The following ZSCAN25 variants were observed in gnomAD, a reference collection of about 807,000 sequenced individuals.
ZSCAN25 encodes zinc finger and SCAN domain containing 25.
ZSCAN25 carries 27 observed loss-of-function variants against 38.7 expected under a neutral mutation model. The observed-to-expected ratio is 0.70, with a 90% confidence interval of 0.51 to 0.96. The LOEUF is 0.96. Ranked by LOEUF, ZSCAN25 falls within the 40% of genes least tolerant of loss-of-function variation. ZSCAN25 has a pLI of 0.00. For missense variants in ZSCAN25, 637 were observed against 705.9 expected, an observed-to-expected ratio of 0.90 and a Z score of 1.11; for synonymous variants, 273 against 277.7, an observed-to-expected ratio of 0.98 and a Z score of 0.17.
At chr7:99,660,245 T>TTTTTTTAA in the ZSCAN25 span, 1 of 738,740 alleles carries the variant, frequency 1.4e-6, no homozygotes. Flanking sequence ...TTTTTTTTTT[T>TTTTTTTAA]ACTTAGCATT....
intron 5 of ZSCAN25, 127 bp from the exon 6 acceptor site, chr7:99,622,422 G>T: frequency 1.2e-6 from 1 of 868,314 alleles, no homozygotes; most frequent in Non-Finnish European, 1.9e-6. Flanking sequence ...AGAGTGAAAA[G>T]GGATTCTGTC....
At chr7:99,720,334 A>G in the ZSCAN25 span, 3 of 1,613,306 alleles carry the variant, frequency 1.9e-6, no homozygotes, top group African/African-American at 2.7e-5. Context: ...TGAAGACAGA[A>G]TAACATTCTT....
the ZSCAN25 span, among the ~76,000 whole-genome samples, chr7:99,730,252 T>G: frequency 1.3e-5 from 2 of 152,234 alleles, no homozygotes; most frequent in Non-Finnish European, 2.9e-5. Context: ...TTTTGTCAAA[T>G]CATCCCCTTT....
At chr7:99,717,515 T>G in the ZSCAN25 span, 23 of 1,613,500 alleles carry the variant, frequency 1.4e-5, no homozygotes, top group South Asian at 2.3e-4. Context: ...AAACCCAAGT[T>G]ATTTTCATAC....
chr7:99,672,590 G>T, the ZSCAN25 span: 1 of 1,613,268 alleles, frequency 6.2e-7, no homozygotes. Flanking sequence ...CCTTCGATTT[G>T]TGAAGACAGA....
Position 99,629,347 on chromosome 7 carries a change from C to G in ZSCAN25, c.962C>G (p.Ala321Gly). 1.9e-6 allele frequency: 3 copies of G among 1,614,152 alleles called. No homozygotes were observed. The highest frequency in any genetic ancestry group is 1.7e-6 in the Non-Finnish European group (2 of 1,180,030). Residue 321 changes from alanine to glycine, a missense_variant, in exon 8 of 8, where the codon GCG (alanine) becomes GGG (glycine). Coordinates refer to ENST00000394152, the MANE Select transcript of ZSCAN25 (RefSeq NM_145115.3). This position sits in a 1 kb window ranked among gnomAD's most constrained non-coding sequence, Gnocchi z 5.6. ...EQEPGGPAGSAPGLPPPQHGA... is the reference protein window; with the variant it reads ...EQEPGGPAGSGPGLPPPQHGA... ...GAGCCTGGTGGCCCTGCAGGCAGTG[C>G]GCCTGGGCTTCCTCCTCCCCAGCAC...
rs1320522707 is a variant in ZSCAN25, at chr7:99,618,613, C to G, written c.-170C>G. Reference sequence around the variant, plus strand: ...CTTGATTTTGTCTGACTCTTTGCCACCACCCTGATCTAAGCCCTTATCATC... The same window carrying G: ...CTTGATTTTGTCTGACTCTTTGCCAGCACCCTGATCTAAGCCCTTATCATC... On this transcript the variant is annotated 5_prime_UTR_variant, in exon 2 of 8. Transcript: ENST00000394152. The G allele has an allele frequency of 1.3e-5, 2 of 152,116 alleles. No individual in the cohort carries two copies. Among genetic ancestry groups the G allele is most frequent in the African/African-American group, 2.4e-5 (1 of 41,430 alleles). The allele number at this position is 152,116 out of a possible 1,614,324, so 9.4% of individuals were successfully genotyped here.
At chr7:99,626,495 G>T (rs565649104) in intron 7 of ZSCAN25, among the ~76,000 whole-genome samples, 1 of 152,154 alleles carries the variant, frequency 6.6e-6, no homozygotes, top group Non-Finnish European at 1.5e-5. Context: ...TGTAGAAGGG[G>T]GTTTACTGAA....
At chr7:99,676,694 T>C in the ZSCAN25 span, 1 of 566,028 alleles carries the variant, frequency 1.8e-6, no homozygotes, top group Non-Finnish European at 3.2e-6. Context: ...GCCCTTACAA[T>C]TTGCTCAGAA....
At chr7:99,651,023 A>G in the ZSCAN25 span, among the ~76,000 whole-genome samples, 11 of 152,318 alleles carry the variant, frequency 7.2e-5, no homozygotes, top group Non-Finnish European at 1.0e-4. Flanking sequence ...CATTGTTGTC[A>G]TATGTTTTTA....
At chr7:99,737,931 CACTG>C in the ZSCAN25 span, among the ~76,000 whole-genome samples, 2 of 152,218 alleles carry the variant, frequency 1.3e-5, no homozygotes, top group African/African-American at 4.8e-5. Flanking sequence ...CTGAGAGCTG[CACTG>C]ACTGTGTCAA....
At chr7:99,717,340 C>T in the ZSCAN25 span, 40 of 1,610,306 alleles carry the variant, frequency 2.5e-5, no homozygotes, top group African/African-American at 4.4e-4. Context: ...CTTTGCCTGG[C>T]ATGGAACAAT....
the ZSCAN25 span, among the ~76,000 whole-genome samples, chr7:99,657,016 C>T: frequency 5.9e-5 from 9 of 152,066 alleles, no homozygotes; most frequent in African/African-American, 1.9e-4. Context: ...TTTTGTTGAT[C>T]TTTTCAAAAA....
the ZSCAN25 span, among the ~76,000 whole-genome samples, chr7:99,673,641 C>G: frequency 6.6e-6 from 1 of 152,172 alleles, no homozygotes; most frequent in Non-Finnish European, 1.5e-5. Context: ...ATCTCTCAAC[C>G]CTTCTTTCAA....
In ZSCAN25 at chr7:99,619,563, T is replaced by G; in HGVS notation, c.-44T>G. On this transcript the variant is annotated splice_region_variant and 5_prime_UTR_variant, in exon 4 of 8. Coordinates refer to ENST00000394152, the MANE Select transcript of ZSCAN25 (RefSeq NM_145115.3). ...CATGTGTCTCTTGTTCTCAAAAGGG[T>G]CATTGATGCAGTCATTCTCAGTCTC... 1 of 1,560,440 alleles carries G rather than the reference T, an allele frequency of 6.4e-7. No individual in the cohort carries two copies. The highest frequency in any genetic ancestry group is 8.7e-7 in the Non-Finnish European group (1 of 1,153,900).
At chr7:99,697,374 G>C in the ZSCAN25 span, among the ~76,000 whole-genome samples, 1 of 152,188 alleles carries the variant, frequency 6.6e-6, no homozygotes, top group Non-Finnish European at 1.5e-5. Flanking sequence ...GCTGATGGCA[G>C]ACATCACCAG....
chr7:99,657,540 T>C, the ZSCAN25 span, among the ~76,000 whole-genome samples: 1 of 152,236 alleles, frequency 6.6e-6, no homozygotes, highest in Admixed American at 6.5e-5. Context: ...GGTGTGGTGC[T>C]GAAAAGAATG....
At chr7:99,721,110 T>C in the ZSCAN25 span, 3 of 152,636 alleles carry the variant, frequency 2.0e-5, no homozygotes, top group East Asian at 3.8e-4. Flanking sequence ...GCTGCTGCAG[T>C]TGGCTGAGGC....
chr7:99,723,566 G>A, the ZSCAN25 span, among the ~76,000 whole-genome samples: 1 of 152,182 alleles, frequency 6.6e-6, no homozygotes, highest in East Asian at 1.9e-4. Flanking sequence ...TCACATGGAC[G>A]CAAATGACAT....
Sources: gnomAD v4.1 joint callset for allele counts (sites outside exome capture counted in the v4.1 genomes callset) on GRCh38, gnomAD v4.1.1 for gene constraint, Gnocchi (gnomAD v3.1) non-coding constraint, MANE v1.5 for transcripts, NCBI Gene and HGNC (gene_info 2026-07-23, HGNC 2026-07-21) for gene names.